Variants in SEC14L5 observed in about 807,000 individuals in gnomAD.
SEC14L5 encodes the protein SEC14-like protein 5.
SEC14L5 carries 96 observed loss-of-function variants against 84.6 expected under a neutral mutation model. That is an observed-to-expected ratio of 1.13 (90% CI 0.96 to 1.34). SEC14L5 has a LOEUF of 1.34. Among genes scored for constraint, SEC14L5 ranks in the 40% most tolerant of loss-of-function variants. SEC14L5 has a pLI of 0.00. For missense variants in SEC14L5, 1,224 were observed against 942.5 expected (o/e 1.30, Z -3.91); for synonymous variants, 546 against 383.4 (o/e 1.42, Z -4.95).
intron 2 of SEC14L5, among the ~76,000 whole-genome samples, chr16:4,980,791 C>T (rs967411545): frequency 6.6e-6 from 1 of 152,256 alleles, no homozygotes; most frequent in Middle Eastern, 3.4e-3. Context: ...GGAAGAAGGA[C>T]CAGCATGGAT....
chr16:5,014,718 G>T, intron 15 of SEC14L5, 141 bp from the exon 16 acceptor site: 1 of 628,612 alleles, frequency 1.6e-6, no homozygotes, highest in East Asian at 2.7e-5. Context: ...TCTCTTCATG[G>T]CGTCACTTGC....
chr16:4,974,372 T>C (rs1236612754), intron 2 of SEC14L5, among the ~76,000 whole-genome samples: 1 of 151,760 alleles, frequency 6.6e-6, no homozygotes, highest in East Asian at 2.0e-4. Context: ...TGCCTAGTTT[T>C]TTATTTTTAT....
Position 5,001,502 on chromosome 16 carries a change from G to T in SEC14L5, c.1130+577G>T, listed in dbSNP as rs977677243. 8.5e-5 allele frequency among the ~76,000 whole-genome samples: 13 copies of T among 152,128 alleles called. No individual in the cohort carries two copies. The East Asian group carries it at 2.3e-3, about 27-fold the overall frequency. Reference sequence around the variant, plus strand: ...TCTCGGTCTCCTGACCTCGTGATCCGCCTGCCTCGGCCTCCCAAAGTGCTG... The same window carrying T: ...TCTCGGTCTCCTGACCTCGTGATCCTCCTGCCTCGGCCTCCCAAAGTGCTG... On this transcript the variant is annotated intron_variant, in intron 10 of 15. Coordinates refer to ENST00000251170, the MANE Select transcript of SEC14L5 (RefSeq NM_014692.2).
chr16:4,998,637 C>G (rs1293280153), intron 8 of SEC14L5, among the ~76,000 whole-genome samples: 1 of 139,584 alleles, frequency 7.2e-6, no homozygotes, highest in African/African-American at 2.7e-5. Context: ...ACTTGGGAGG[C>G]TGAGGCAGGA....
chr16:4,996,861 A>G lies in SEC14L5; in HGVS notation c.787A>G (p.Lys263Glu). Residue 263 changes from lysine (K) to glutamate (E), a missense_variant, in exon 8 of 16, where the codon AAA becomes GAA. Physicochemically the swap from Lys to Glu is moderately conservative, Grantham distance 56. Transcript: ENST00000251170. ...TTACTTCTTTGTCTCTCAGATTCCCAAAGATGAGCACATCCTTCGGTTCCT... is the reference window on the plus strand; with the variant it reads ...TTACTTCTTTGTCTCTCAGATTCCCGAAGATGAGCACATCCTTCGGTTCCT... ...LQETHKGKIP[K>E]DEHILRFLRA... The G allele has an allele frequency of 6.2e-7, 1 of 1,609,572 alleles. No homozygotes were observed. Among genetic ancestry groups the G allele is most frequent in the Non-Finnish European group, 8.5e-7 (1 of 1,178,108 alleles).
At position 4,965,586 on chromosome 16, in the gene SEC14L5, G is replaced by A. The variant is rs1204054634; in HGVS notation, c.63+6200G>A. 4.4e-5 allele frequency among the ~76,000 whole-genome samples: 6 copies of A among 137,374 alleles called. No individual in the cohort carries two copies. In the East Asian group the frequency reaches 8.7e-4, roughly 20 times the overall value. The allele number at this position is 137,374 out of a possible 152,430, so 90.1% of individuals were successfully genotyped here. On this transcript the variant is annotated intron_variant, in intron 2 of 15. Transcript: ENST00000251170. ...TGAGGCAGGAGAATGGTGTGAAACC[G>A]GGAGGCGGAGCTTGCACTGAGCCGA...
chr16:4,969,224 C>T (rs1041867609), intron 2 of SEC14L5, among the ~76,000 whole-genome samples: 3 of 152,230 alleles, frequency 2.0e-5, no homozygotes, highest in Non-Finnish European at 2.9e-5. Context: ...GTAAGGCCCT[C>T]GTGCATTCAT....
intron 2 of SEC14L5, among the ~76,000 whole-genome samples, chr16:4,983,334 G>A (rs993818804): frequency 6.0e-5 from 9 of 151,158 alleles, no homozygotes; most frequent in African/African-American, 9.7e-5. Flanking sequence ...TTTATATATG[G>A]AATATATTAT....
chr16:4,994,669 G>T (rs891833329), intron 6 of SEC14L5, among the ~76,000 whole-genome samples: 1 of 150,802 alleles, frequency 6.6e-6, no homozygotes, highest in Non-Finnish European at 1.5e-5. Context: ...GTTGGCTGTT[G>T]TTGTATGTGC....
At chr16:4,996,272 G>T in intron 6 of SEC14L5, 76 bp from the exon 7 acceptor site, 1 of 881,408 alleles carries the variant, frequency 1.1e-6, no homozygotes, top group Non-Finnish European at 1.8e-6. Flanking sequence ...CAGCCAGTAA[G>T]GAATGGCACA....
chr16:5,014,197 C>T (rs1246549060), intron 15 of SEC14L5, among the ~76,000 whole-genome samples: 1 of 152,168 alleles, frequency 6.6e-6, no homozygotes, highest in East Asian at 1.9e-4. Flanking sequence ...GATGAGCAGC[C>T]CATGTGGCCA....
chr16:4,996,232 G>C, intron 6 of SEC14L5, 116 bp from the exon 7 acceptor site: 1 of 656,844 alleles, frequency 1.5e-6, no homozygotes, highest in Non-Finnish European at 2.7e-6. Flanking sequence ...GCTTAGCCTG[G>C]TTTGGAACCA....
At chr16:4,990,189 G>A (rs769210817) in intron 4 of SEC14L5, among the ~76,000 whole-genome samples, 56 of 151,326 alleles carry the variant, frequency 3.7e-4, no homozygotes, top group Non-Finnish European at 7.5e-4. Context: ...TGGAGATGGA[G>A]TCTTGCTCTA....
Position 5,011,136 on chromosome 16 carries a change from G to A in SEC14L5, c.1842G>A (p.Gln614=), listed in dbSNP as rs1408806252. 1 of 1,611,438 alleles carries A rather than the reference G, an allele frequency of 6.2e-7. No homozygotes were observed. The highest frequency in any genetic ancestry group is 8.5e-7 in the Non-Finnish European group (1 of 1,179,004). The change falls in exon 15 of 16, where the codon CAG becomes CAA. Residue 614 remains glutamine (Q), a synonymous_variant. Coordinates refer to ENST00000251170, the MANE Select transcript of SEC14L5 (RefSeq NM_014692.2). ...GGTGGCCCGGCGTCTACCTGCTCCA[G>A]TGGCAAATGCACAGCCCCCCCAGCA... The part of the protein sequence containing the change: ...VTRWPGVYLL[Q]WQMHSPPSSV...
rs547731403 is a variant in SEC14L5 at position 4,972,981 on chromosome 16, A to T, written c.63+13595A>T. 3.9e-5 allele frequency among the ~76,000 whole-genome samples: 6 copies of T among 152,316 alleles called. No homozygotes were observed. In the South Asian group the frequency reaches 1.2e-3, roughly 32 times the overall value. ...TCCTGTAAATGTCTATTGAGTGTTG[A>T]CTATGTGCTAGGCATTTTTGCAAAG... On this transcript the variant is annotated intron_variant, in intron 2 of 15. Coordinates refer to ENST00000251170, the MANE Select transcript of SEC14L5 (RefSeq NM_014692.2).
chr16:4,988,667 A>C (rs1309268504), intron 4 of SEC14L5, among the ~76,000 whole-genome samples: 5 of 152,196 alleles, frequency 3.3e-5, no homozygotes, highest in Non-Finnish European at 7.3e-5. Flanking sequence ...AAATGGGCTT[A>C]ATAATCATGC....
chr16:4,961,586 C>A (rs573039601), intron 2 of SEC14L5, among the ~76,000 whole-genome samples: 51 of 152,310 alleles, frequency 3.3e-4, no homozygotes, highest in African/African-American at 1.2e-3. Context: ...GCCTCGGCCT[C>A]CCAAAGTGCT....
intron 6 of SEC14L5, among the ~76,000 whole-genome samples, chr16:4,993,603 C>A (rs2908680): frequency 3.9e-5 from 6 of 152,052 alleles, no homozygotes; most frequent in African/African-American, 1.5e-4. Flanking sequence ...CTATTTAGGT[C>A]GTTTCAGTTT....
chr16:5,000,800 T>G, intron 9 of SEC14L5, 55 bp from the exon 10 acceptor site: 16 of 1,566,774 alleles, frequency 1.0e-5, no homozygotes, highest in Non-Finnish European at 1.4e-5. Flanking sequence ...TGGGAAGGAC[T>G]GTGTGGGGTA....
Sources: gnomAD v4.1 joint callset for allele counts (sites outside exome capture counted in the v4.1 genomes callset) on GRCh38, gnomAD v4.1.1 for gene constraint, MANE v1.5 for transcripts, NCBI Gene and HGNC (gene_info 2026-07-23, HGNC 2026-07-21) for gene names.